The following MCHR2 variants were observed in gnomAD, a reference collection of about 807,000 sequenced individuals.
MCHR2 encodes melanin concentrating hormone receptor 2, also known as melanin-concentrating hormone receptor 2.
Under a neutral mutation model 24.8 loss-of-function variants are expected in MCHR2, and 15 were observed. The ratio of observed to expected loss-of-function variants is 0.60; its 90% CI spans 0.40 to 0.93. The LOEUF (loss-of-function observed/expected upper bound fraction) is 0.93. MCHR2 is among the 40% of genes least tolerant of loss of function. The pLI, the probability that MCHR2 is intolerant of heterozygous loss-of-function variation, is 0.00. For synonymous variants in MCHR2, 151 were observed against 147.6 expected, an observed-to-expected ratio of 1.02 and a Z score of -0.17; for missense variants, 386 against 408.7, an observed-to-expected ratio of 0.94 and a Z score of 0.48.
intron 2 of MCHR2, among the ~76,000 whole-genome samples, chr6:99,949,772 A>G (rs948422398): frequency 2.8e-4 from 42 of 152,084 alleles, no homozygotes; most frequent in Non-Finnish European, 6.2e-4. Flanking sequence ...GGAGACATGA[A>G]GAAAAGATCA....
At position 99,931,150 on chromosome 6, in the gene MCHR2, G is replaced by A. The variant is rs866216952; in HGVS notation, c.707+3248C>T. 1.1e-4 allele frequency among the ~76,000 whole-genome samples: 16 copies of A among 152,252 alleles called. No homozygotes were observed. The South Asian group carries it at 1.7e-3, about 16-fold the overall frequency. On this transcript the variant is annotated intron_variant, in intron 5 of 5. Transcript: ENST00000281806. Reference sequence around the variant, plus strand: ...CCAGCAGCGGTGGCTGCAGAACACCGGATTTTCGTGAACCGCGAATGCTGC... The same window carrying A: ...CCAGCAGCGGTGGCTGCAGAACACCAGATTTTCGTGAACCGCGAATGCTGC...
intron 2 of MCHR2, among the ~76,000 whole-genome samples, 198 bp from the exon 3 acceptor site, chr6:99,948,169 G>A (rs1047435561): frequency 1.3e-5 from 2 of 152,048 alleles, no homozygotes; most frequent in African/African-American, 2.4e-5. Flanking sequence ...TTACTGTGGT[G>A]GTTTAAAAAT....
At chr6:99,931,531 G>A (rs554407758) in intron 5 of MCHR2, among the ~76,000 whole-genome samples, 5 of 152,320 alleles carry the variant, frequency 3.3e-5, no homozygotes, top group African/African-American at 9.6e-5. Flanking sequence ...ACCTAAGAAA[G>A]CCTGGGCAAT....
At chr6:99,952,814 C>T (rs1774990617) in intron 2 of MCHR2, among the ~76,000 whole-genome samples, 2 of 152,052 alleles carry the variant, frequency 1.3e-5, no homozygotes, top group South Asian at 2.1e-4. Context: ...AAAATTAAAA[C>T]TGTTGTTTTA....
At position 99,941,835 on chromosome 6, in the gene MCHR2, A is replaced by C. The variant is rs569798208; in HGVS notation, c.587+1114T>G. Reference sequence around the variant, plus strand: ...TAAACTGAACTGAACAAGACATGCAAGCATATGAATTTTTTTTTTTTAACT... The same window carrying C: ...TAAACTGAACTGAACAAGACATGCACGCATATGAATTTTTTTTTTTTAACT... On this transcript the variant is annotated intron_variant, in intron 4 of 5. Transcript: ENST00000281806. 2.6e-3 allele frequency among the ~76,000 whole-genome samples: 381 copies of C among 143,836 alleles called. 4 individuals carry two copies. Among genetic ancestry groups the C allele is most frequent in the Non-Finnish European group, 3.4e-3 (219 of 65,136 alleles). The allele number at this position is 143,836 out of a possible 152,430, so 94.4% of individuals were successfully genotyped here. A position where few individuals can be genotyped will look rare whatever the true frequency, so the allele number is the denominator to read the frequency against.
intron 1 of MCHR2, among the ~76,000 whole-genome samples, chr6:99,982,865 A>G (rs1333822745): frequency 2.0e-5 from 3 of 152,136 alleles, no homozygotes; most frequent in Non-Finnish European, 4.4e-5. Flanking sequence ...TCCCTTTTGG[A>G]CTCAAGACAG....
intron 4 of MCHR2, among the ~76,000 whole-genome samples, chr6:99,942,351 ACATATCACTC>A (rs1449837989): frequency 1.3e-5 from 2 of 152,066 alleles, no homozygotes; most frequent in Non-Finnish European, 2.9e-5. Context: ...TGGCTTACAG[ACATATCACTC>A]CAATCTCCGC....
At chr6:99,966,832 T>C (rs1178055161) in intron 1 of MCHR2, among the ~76,000 whole-genome samples, 1 of 152,106 alleles carries the variant, frequency 6.6e-6, no homozygotes, top group African/African-American at 2.4e-5. Context: ...TTCTTCAGTA[T>C]GATTTCATTA....
rs1775058003 is a variant in MCHR2, at chr6:99,956,207, A to AAC, written c.-27-35_-27-34dup. 9 of 1,392,382 alleles carry AAC rather than the reference A, an allele frequency of 6.5e-6. No individual in the cohort carries two copies. In the South Asian group the frequency reaches 8.6e-5, roughly 13 times the overall value. The allele number at this position is 1,392,382 out of a possible 1,614,324, so 86.3% of individuals were successfully genotyped here. ...GTAATAGGAAGTGATTTATTTAGTG[A>AAC]ACATTCCCTCAATATAACTTCCTTT... On this transcript the variant is annotated intron_variant, in intron 1 of 5. Transcript: ENST00000281806.
intron 5 of MCHR2, among the ~76,000 whole-genome samples, chr6:99,928,458 A>T (rs564036761): frequency 2.0e-5 from 3 of 152,058 alleles, no homozygotes; most frequent in Non-Finnish European, 2.9e-5. Context: ...CTGTGAATCC[A>T]TCTGGTCCTG....
intron 4 of MCHR2, among the ~76,000 whole-genome samples, chr6:99,935,818 T>C (rs928909565): frequency 3.3e-5 from 5 of 151,986 alleles, no homozygotes; most frequent in Non-Finnish European, 7.4e-5. Flanking sequence ...CCACCGACAA[T>C]GTACAAAGGT....
At chr6:99,943,215 G>T in intron 3 of MCHR2, 72 bp from the exon 4 acceptor site, 1 of 1,253,426 alleles carries the variant, frequency 8.0e-7, no homozygotes, top group Non-Finnish European at 1.1e-6. Context: ...AAAGGTTCAT[G>T]ATGAGAGTAA....
rs1178191202 is a variant in MCHR2, at chr6:99,948,111, G to C, written c.183-140C>G. 4.4e-6 allele frequency: 3 copies of C among 677,142 alleles called. No homozygotes were observed. The East Asian group carries it at 8.2e-5, about 19-fold the overall frequency. 41.9% of individuals were successfully genotyped at this position (677,142 alleles called of 1,614,324 possible). A position where few individuals can be genotyped will look rare whatever the true frequency, so the allele number is the denominator to read the frequency against. ...ACCTATACAGATGCATAGAGGAAAT[G>C]CCTAGTCTTGTGTGTATTTAAGCAT... On this transcript the variant is annotated intron_variant, in intron 2 of 5. Coordinates refer to ENST00000281806, the MANE Select transcript of MCHR2 (RefSeq NM_001040179.2).
At chr6:99,960,534 G>A (rs1775164014) in intron 1 of MCHR2, among the ~76,000 whole-genome samples, 1 of 151,998 alleles carries the variant, frequency 6.6e-6, no homozygotes, top group Admixed American at 6.6e-5. Context: ...GACAATCCTA[G>A]GCAAAAGGAA....
At chr6:99,971,643 T>A (rs1190000026) in intron 1 of MCHR2, among the ~76,000 whole-genome samples, 1 of 151,372 alleles carries the variant, frequency 6.6e-6, no homozygotes, top group Non-Finnish European at 1.5e-5. Flanking sequence ...TGTGCCAGTT[T>A]TCAAAGGGAA....
In MCHR2 at chr6:99,941,478, T is replaced by C. The variant is rs181503551; in HGVS notation, c.587+1471A>G. Among the ~76,000 whole-genome samples, 476 of 152,270 alleles carry C rather than the reference T, an allele frequency of 3.1e-3. 3 individuals carry two copies. The highest frequency in any genetic ancestry group is 0.011 in the African/African-American group (457 of 41,566). Reference sequence around the variant, plus strand: ...TGCACTGTTATGTCCCAAATGTTTGTGTTCCCTCAAAATTCCTATGTTGAA... The same window carrying C: ...TGCACTGTTATGTCCCAAATGTTTGCGTTCCCTCAAAATTCCTATGTTGAA... On this transcript the variant is annotated intron_variant, in intron 4 of 5. Coordinates refer to ENST00000281806, the MANE Select transcript of MCHR2 (RefSeq NM_001040179.2).
chr6:99,978,068 G>T (rs770441139), intron 1 of MCHR2, among the ~76,000 whole-genome samples: 3 of 152,116 alleles, frequency 2.0e-5, no homozygotes, highest in Admixed American at 1.3e-4. Context: ...TGTGGCAAAG[G>T]TATAGAGGAA....
chr6:99,931,975 T>C (rs1174581128), intron 5 of MCHR2, among the ~76,000 whole-genome samples: 1 of 152,172 alleles, frequency 6.6e-6, no homozygotes, highest in Admixed American at 6.5e-5. Flanking sequence ...TATTCGGCCA[T>C]CTTGGCTCCT....
intron 1 of MCHR2, among the ~76,000 whole-genome samples, chr6:99,986,128 C>T (rs1775763717): frequency 6.6e-6 from 1 of 152,006 alleles, no homozygotes; most frequent in Non-Finnish European, 1.5e-5. Flanking sequence ...AATGAGATAC[C>T]ACTTATACCA....
Sources: gnomAD v4.1 joint callset for allele counts (sites outside exome capture counted in the v4.1 genomes callset) on GRCh38, gnomAD v4.1.1 for gene constraint, MANE v1.5 for transcripts, NCBI Gene and HGNC (gene_info 2026-07-23, HGNC 2026-07-21) for gene names.